Variants in RBFOX1 observed in about 807,000 individuals in gnomAD.
The protein encoded by RBFOX1 is RNA binding fox-1 homolog 1.
Under a neutral mutation model 57.7 loss-of-function variants are expected in RBFOX1, and 8 were observed. That is an observed-to-expected ratio of 0.14 (90% confidence interval 0.08 to 0.25). The LOEUF is 0.25. Ranked by LOEUF, RBFOX1 falls within the 10% of genes least tolerant of loss-of-function variation. The pLI is 1.00. For missense variants in RBFOX1, 611 were observed against 548.5 expected, an observed-to-expected ratio of 1.11 and a Z score of -1.14; for synonymous variants, 326 against 222.4, an observed-to-expected ratio of 1.47 and a Z score of -4.15.
At chr16:5,530,304 T>G (rs1181640237) in intron 2 of RBFOX1, among the ~76,000 whole-genome samples, 1 of 152,176 alleles carries the variant, frequency 6.6e-6, no homozygotes, top group Non-Finnish European at 1.5e-5. Context: ...GCCTGGCCTT[T>G]CTCTCATTTA....
chr16:6,315,489 G>A (rs1429821810), intron 1 of RBFOX1, among the ~76,000 whole-genome samples: 5 of 150,042 alleles, frequency 3.3e-5, no homozygotes, highest in African/African-American at 1.2e-4. Flanking sequence ...GGATGGGTAG[G>A]TAGATAGGTG....
At chr16:6,555,647 C>T (rs1309529789) in intron 2 of RBFOX1, among the ~76,000 whole-genome samples, 1 of 152,030 alleles carries the variant, frequency 6.6e-6, no homozygotes, top group Admixed American at 6.5e-5. Flanking sequence ...TTGCCGTGAG[C>T]CAAGATCATG....
At chr16:6,891,639 C>CT (rs1218279493) in intron 3 of RBFOX1, among the ~76,000 whole-genome samples, 12 of 152,342 alleles carry the variant, frequency 7.9e-5, no homozygotes, top group African/African-American at 2.9e-4. Context: ...CCTTTCCTTG[C>CT]TTAATCTCTG....
chr16:6,870,229 T>C (rs1255600263), intron 3 of RBFOX1, among the ~76,000 whole-genome samples: 1 of 152,122 alleles, frequency 6.6e-6, no homozygotes, highest in African/African-American at 2.4e-5. Context: ...CCAAGAGAGT[T>C]AGCAGCCTGG....
In RBFOX1 at chr16:6,599,821, ACTTAG is replaced by A. The variant is rs147545015; in HGVS notation, c.-63-54776_-63-54772del. Reference sequence around the variant, plus strand: ...TTTCTGAAAGGCAATTAATGAGAGCACTTAGCTTAGAGAGCTGTGAGCATTACATG... The same window carrying A: ...TTTCTGAAAGGCAATTAATGAGAGCACTTAGAGAGCTGTGAGCATTACATG... On this transcript the variant is annotated intron_variant, in intron 2 of 15. Transcript: ENST00000550418. 4.6e-3 allele frequency among the ~76,000 whole-genome samples: 694 copies of A among 152,250 alleles called. 15 individuals carry two copies. The highest frequency in any genetic ancestry group is 0.032 in the East Asian group (167 of 5,178).
intron 4 of RBFOX1, among the ~76,000 whole-genome samples, chr16:7,194,754 C>G (rs1418515073): frequency 2.1e-5 from 3 of 145,784 alleles, no homozygotes; most frequent in Admixed American, 6.8e-5. Context: ...ATAGTCAAAC[C>G]TCATCTCTAC....
intron 13 of RBFOX1, among the ~76,000 whole-genome samples, chr16:7,670,697 A>C (rs1307120252): frequency 6.6e-6 from 1 of 152,228 alleles, no homozygotes; most frequent in African/African-American, 2.4e-5. Flanking sequence ...CTGGAAAGGC[A>C]GGCTATGTAG....
chr16:7,054,720 C>G (rs1568565092), intron 4 of RBFOX1, among the ~76,000 whole-genome samples: 1 of 152,090 alleles, frequency 6.6e-6, no homozygotes, highest in Non-Finnish European at 1.5e-5. Flanking sequence ...GTCTGCAAGC[C>G]ACAATAAAAA....
chr16:6,821,360 T>G (rs1383643380), intron 3 of RBFOX1, among the ~76,000 whole-genome samples: 1 of 152,228 alleles, frequency 6.6e-6, no homozygotes, highest in Non-Finnish European at 1.5e-5. Flanking sequence ...ACTAGTCTAG[T>G]CTTTGATACT....
At chr16:5,381,932 T>A (rs2151392552) in intron 1 of RBFOX1, among the ~76,000 whole-genome samples, 1 of 152,356 alleles carries the variant, frequency 6.6e-6, no homozygotes, top group East Asian at 1.9e-4. Flanking sequence ...TTTGCTGTGG[T>A]GTCTGTCATG....
intron 3 of RBFOX1, among the ~76,000 whole-genome samples, chr16:5,606,077 T>G (rs761412356): frequency 9.9e-5 from 15 of 152,222 alleles, no homozygotes; most frequent in Admixed American, 2.6e-4. Flanking sequence ...TGTCTCTAGT[T>G]GACCCACTGT....
At chr16:7,483,502 A>G (rs1239390402) in intron 4 of RBFOX1, among the ~76,000 whole-genome samples, 1 of 152,212 alleles carries the variant, frequency 6.6e-6, no homozygotes, top group African/African-American at 2.4e-5. Context: ...TGTGTGGTGG[A>G]CATTGTATAT....
At chr16:6,051,187 C>T (rs1470643565) in intron 1 of RBFOX1, among the ~76,000 whole-genome samples, 1 of 151,672 alleles carries the variant, frequency 6.6e-6, no homozygotes. Flanking sequence ...AGGATCATAA[C>T]CTGGGTACTA....
chr16:6,483,229 C>T (rs556902969), intron 2 of RBFOX1: 24 of 1,229,634 alleles, frequency 2.0e-5, no homozygotes, highest in Admixed American at 1.4e-4. Context: ...GGACCCGGGC[C>T]CTGGCGCCGC....
At chr16:7,009,513 A>C (rs1285120891) in intron 3 of RBFOX1, among the ~76,000 whole-genome samples, 16 of 152,052 alleles carry the variant, frequency 1.1e-4, no homozygotes, top group Non-Finnish European at 1.9e-4. Context: ...AATCCAACAG[A>C]CTTGCATTAA....
chr16:6,920,187 C>T (rs956126212), intron 3 of RBFOX1, among the ~76,000 whole-genome samples: 5 of 152,092 alleles, frequency 3.3e-5, no homozygotes, highest in Non-Finnish European at 5.9e-5. Flanking sequence ...GGTTGATGGG[C>T]ATTGAGTTTG....
intron 4 of RBFOX1, among the ~76,000 whole-genome samples, chr16:7,124,151 G>T (rs562734770): frequency 6.6e-6 from 1 of 152,272 alleles, no homozygotes; most frequent in South Asian, 2.1e-4. Flanking sequence ...TAAAATAAAA[G>T]CTGGTGGCAT....
Position 5,380,855 on chromosome 16 carries a change from G to T in RBFOX1, c.220-86361G>T, listed in dbSNP as rs532374042. ...TATAACTTGAATATTTTATCCTGAG[G>T]ATGTACTCATGCATGACTTGTATAA... On this transcript the variant is annotated intron_variant, in intron 1 of 2. Transcript: ENST00000585867. Among the ~76,000 whole-genome samples, 2 of 152,182 alleles carry T rather than the reference G, an allele frequency of 1.3e-5. 1 individual carries two copies. The highest frequency in any genetic ancestry group is 2.9e-5 in the Non-Finnish European group (2 of 68,036).
chr16:6,414,532 G>A (rs926362823), intron 2 of RBFOX1, among the ~76,000 whole-genome samples: 1 of 152,168 alleles, frequency 6.6e-6, no homozygotes, highest in South Asian at 2.1e-4. Flanking sequence ...ATAGTTTCCG[G>A]CAGTGACAAG....
Sources: allele counts gnomAD v4.1 joint callset (sites outside exome capture counted in the v4.1 genomes callset), GRCh38; gene constraint gnomAD v4.1.1; transcripts MANE v1.5; gene names NCBI Gene and HGNC (gene_info 2026-07-23, HGNC 2026-07-21).